The following CBX7 variants were observed in gnomAD, a reference collection of about 807,000 sequenced individuals.
CBX7 encodes chromobox protein homolog 7.
CBX7 carries 14 observed loss-of-function variants against 31.4 expected under a neutral mutation model. The observed-to-expected ratio is 0.45, with a 90% confidence interval of 0.29 to 0.70. The LOEUF (loss-of-function observed/expected upper bound fraction) is 0.70. CBX7 is among the 30% of genes least tolerant of loss of function. The pLI, the probability that CBX7 is intolerant of heterozygous loss-of-function variation, is 0.11. For synonymous variants in CBX7, 159 were observed against 152.6 expected, an observed-to-expected ratio of 1.04 and a Z score of -0.31; for missense variants, 269 against 351.9, an observed-to-expected ratio of 0.76 and a Z score of 1.89.
intron 2 of CBX7, chr22:39,149,316 G>C (rs1473648202): frequency 6.0e-6 from 1 of 166,490 alleles, no homozygotes; most frequent in Non-Finnish European, 1.3e-5. Flanking sequence ...TTACAAAGCT[G>C]TATGGGAACC....
Position 39,152,163 on chromosome 22 carries a change from G to A in CBX7, c.69+213C>T, listed in dbSNP as rs1465018297. ...ATCTCCAGCTCAGGCAGGCTCGGCC[G>A]CCACTAGCATCCTGGAGCGACAACT... On this transcript the variant is annotated intron_variant, in intron 1 of 5. Coordinates refer to ENST00000216133, the MANE Select transcript of CBX7 (RefSeq NM_175709.5). The surrounding 1 kb of genome is among the most constrained non-coding windows in gnomAD (Gnocchi z 4.9). Among the ~76,000 whole-genome samples, 1 of 152,090 alleles carries A rather than the reference G, an allele frequency of 6.6e-6. No homozygotes were observed. The highest frequency in any genetic ancestry group is 1.5e-5 in the Non-Finnish European group (1 of 67,992).
intron 2 of CBX7, chr22:39,147,086 C>CTTTTTTTTTTTT (rs34901545): frequency 1.6e-5 from 1 of 62,332 alleles, no homozygotes; most frequent in Non-Finnish European, 2.8e-5. Context: ...AAAGTGTCCA[C>CTTTTTTTTTTTT]TTTTTTTTTT....
chr22:39,137,909 C>T (rs540691985), intron 4 of CBX7, among the ~76,000 whole-genome samples: 3 of 151,656 alleles, frequency 2.0e-5, no homozygotes, highest in East Asian at 2.0e-4. Context: ...TGGCTGGGCG[C>T]GGTGGCTCAC....
chr22:39,134,544 G>T lies in CBX7; in HGVS notation c.455C>A (p.Ser152Ter). Residue 152 changes from serine to a stop codon, truncating the protein, a stop_gained, in exon 5 of 6, where the codon TCG becomes TAG. Transcript: ENST00000216133. LOFTEE classifies it high-confidence loss of function. ...PRKAHKYLRL[S>*]RKKFPPRGPN... ...CCCGCGGGGCGGGAACTTCTTGCGCGAGAGCCGCAGGTACTTGTGGGCCTT... is the reference window on the plus strand; with the variant it reads ...CCCGCGGGGCGGGAACTTCTTGCGCTAGAGCCGCAGGTACTTGTGGGCCTT... The T allele has an allele frequency of 1.2e-6, 2 of 1,609,852 alleles. No individual in the cohort carries two copies. The highest frequency in any genetic ancestry group is 1.7e-6 in the Non-Finnish European group (2 of 1,178,658).
chr22:39,138,503 C>T (rs1431506408), intron 4 of CBX7, 133 bp downstream of exon 4: 1 of 830,776 alleles, frequency 1.2e-6, no homozygotes, highest in Non-Finnish European at 2.0e-6. Flanking sequence ...AGTGCCCCAC[C>T]CCACAGTGCC....
chr22:39,149,713 A>AG, intron 2 of CBX7, 76 bp downstream of exon 2: 2 of 1,247,124 alleles, frequency 1.6e-6, no homozygotes, highest in Non-Finnish European at 2.4e-6. Flanking sequence ...TAGGCAGGGG[A>AG]GGGGGCAAAA....
rs570536934 is a variant in CBX7 at position 39,138,518 on chromosome 22, G to A, written c.246+118C>T. 5.6e-5 allele frequency: 53 copies of A among 939,374 alleles called. No homozygotes were observed. In the South Asian group the frequency reaches 6.6e-4, roughly 12 times the overall value. The allele number at this position is 939,374 out of a possible 1,614,324, so 58.2% of individuals were successfully genotyped here. A position where few individuals can be genotyped will look rare whatever the true frequency, so the allele number is the denominator to read the frequency against. ...AGTGCCCCACCCCACAGTGCCCTGG[G>A]TGGTACAGGCGAGGGGACACAGATC... On this transcript the variant is annotated intron_variant, in intron 4 of 5. Coordinates refer to ENST00000216133, the MANE Select transcript of CBX7 (RefSeq NM_175709.5).
chr22:39,146,350 C>A (rs1930661251), intron 2 of CBX7, among the ~76,000 whole-genome samples: 1 of 152,270 alleles, frequency 6.6e-6, no homozygotes, highest in South Asian at 2.1e-4. Context: ...AGCTCCCACT[C>A]TGCCCCTGGC....
intron 2 of CBX7, among the ~76,000 whole-genome samples, chr22:39,145,484 C>G (rs1445330851): frequency 6.6e-6 from 1 of 152,182 alleles, no homozygotes; most frequent in Non-Finnish European, 1.5e-5. Flanking sequence ...CCTTCCCACA[C>G]CAGGGGAGGG....
chr22:39,150,959 T>C (rs941403624), intron 1 of CBX7, among the ~76,000 whole-genome samples: 14 of 152,326 alleles, frequency 9.2e-5, no homozygotes, highest in African/African-American at 2.6e-4. Flanking sequence ...CATCTGTCTG[T>C]ATCTCCTCAT....
At chr22:39,149,430 T>G (rs1930774413) in intron 2 of CBX7, 1 of 387,982 alleles carries the variant, frequency 2.6e-6, no homozygotes, top group East Asian at 5.4e-5. Context: ...TTAAAGCAGC[T>G]GGGGTCCCCT....
chr22:39,149,472 G>C (rs1028229663), intron 2 of CBX7: 7 of 467,892 alleles, frequency 1.5e-5, no homozygotes, highest in Admixed American at 1.1e-4. Context: ...CCAGTAGCCC[G>C]GATGCTGGGC....
At chr22:39,151,719 CCAG>C (rs1930861095) in intron 1 of CBX7, among the ~76,000 whole-genome samples, 2 of 152,172 alleles carry the variant, frequency 1.3e-5, no homozygotes, top group African/African-American at 4.8e-5. Flanking sequence ...GGTTCTGAAA[CCAG>C]CAGAACAGAC....
intron 4 of CBX7, 148 bp from the exon 5 acceptor site, chr22:39,134,900 C>T: frequency 1.6e-6 from 1 of 619,696 alleles, no homozygotes; most frequent in East Asian, 2.9e-5. Context: ...GCCATCACCC[C>T]ACCCCACCCC....
chr22:39,141,502 A>G, intron 2 of CBX7, 66 bp from the exon 3 acceptor site: 1 of 1,398,560 alleles, frequency 7.2e-7, no homozygotes, highest in Non-Finnish European at 9.9e-7. Context: ...TAATCCCAGC[A>G]CTTTGGGAGG....
Position 39,132,103 on chromosome 22 carries a change from C to G in CBX7, c.*1788G>C, listed in dbSNP as rs775690646. 1.3e-5 allele frequency: 2 copies of G among 152,242 alleles called. No individual in the cohort carries two copies. The highest frequency in any genetic ancestry group is 2.9e-5 in the Non-Finnish European group (2 of 68,094). The allele number at this position is 152,242 out of a possible 1,614,324, so 9.4% of individuals were successfully genotyped here. On this transcript the variant is annotated 3_prime_UTR_variant, in exon 6 of 6. Coordinates refer to ENST00000216133, the MANE Select transcript of CBX7 (RefSeq NM_175709.5). ...AGGGGACTGTCCCCCAATGGAAGCA[C>G]TGAATTGACCGTGGACAACTAAAGA...
At position 39,149,776 on chromosome 22, in the gene CBX7, T is replaced by G. The variant is rs369984674; in HGVS notation, c.113+13A>C. 1 of 1,612,952 alleles carries G rather than the reference T, an allele frequency of 6.2e-7. No homozygotes were observed. Among genetic ancestry groups the G allele is most frequent in the Non-Finnish European group, 8.5e-7 (1 of 1,179,220 alleles). ...AGGCAGACAGACAGACACACACACA[T>G]GAAGGAGCTTACTTTGGGGGCCATC... On this transcript the variant is annotated intron_variant, in intron 2 of 5. Transcript: ENST00000216133.
intron 2 of CBX7, among the ~76,000 whole-genome samples, chr22:39,145,758 C>T (rs1264196139): frequency 6.7e-6 from 1 of 149,858 alleles, no homozygotes. Context: ...CGGCGCGCGC[C>T]GGCTCCGAGA....
intron 2 of CBX7, among the ~76,000 whole-genome samples, chr22:39,142,628 C>T (rs114692629): frequency 1.6e-3 from 246 of 152,370 alleles, no homozygotes; most frequent in African/African-American, 5.6e-3. Context: ...CTCCTGTTTA[C>T]TTCGTATCTG....
Sources: gnomAD v4.1 joint callset for allele counts (sites outside exome capture counted in the v4.1 genomes callset) on GRCh38, gnomAD v4.1.1 for gene constraint, Gnocchi (gnomAD v3.1) non-coding constraint, MANE v1.5 for transcripts, NCBI Gene and HGNC (gene_info 2026-07-23, HGNC 2026-07-21) for gene names.